The following CNTN5 variants were observed in gnomAD, a reference collection of about 807,000 sequenced individuals.
CNTN5 encodes the protein contactin-5.
CNTN5 carries 77 observed loss-of-function variants against 129.1 expected under a neutral mutation model. That is an observed-to-expected ratio of 0.60 (90% CI 0.50 to 0.72). The LOEUF is 0.72. Ranked by LOEUF, CNTN5 falls within the 30% of genes least tolerant of loss-of-function variation. The pLI is 0.00. For synonymous variants in CNTN5, 509 were observed against 465.6 expected, an observed-to-expected ratio of 1.09 and a Z score of -1.20; for missense variants, 1,478 against 1,328.8, an observed-to-expected ratio of 1.11 and a Z score of -1.75.
At chr11:99,048,842 A>G (rs2135166606) in intron 1 of CNTN5, among the ~76,000 whole-genome samples, 1 of 152,316 alleles carries the variant, frequency 6.6e-6, no homozygotes, top group Admixed American at 6.5e-5. Flanking sequence ...AATGGTTTCT[A>G]TTCTGCTGAA....
chr11:99,266,356 T>C (rs1327641839), intron 1 of CNTN5, among the ~76,000 whole-genome samples: 1 of 152,108 alleles, frequency 6.6e-6, no homozygotes, highest in Non-Finnish European at 1.5e-5. Context: ...CCCAGTGCTT[T>C]GGAAAGCATA....
chr11:99,337,020 C>T (rs1444484727), intron 2 of CNTN5, among the ~76,000 whole-genome samples: 1 of 151,998 alleles, frequency 6.6e-6, no homozygotes, highest in Non-Finnish European at 1.5e-5. Context: ...AGGACACATA[C>T]AGAGTATTTC....
intron 3 of CNTN5, among the ~76,000 whole-genome samples, chr11:99,720,863 A>C (rs1943148911): frequency 6.6e-6 from 1 of 152,150 alleles, no homozygotes. Flanking sequence ...CCAAAAGGCA[A>C]ACCAAAGGGC....
In CNTN5 at chr11:100,147,485, G is replaced by A. The variant is rs1171361514; in HGVS notation, c.1581-43641G>A. ...GAAAGAGTTTGTCTTGCCCCTATAA[G>A]TTAAACCTGAATCATTCGAACCTGC... On this transcript the variant is annotated intron_variant, in intron 13 of 24. Coordinates refer to ENST00000524871, the MANE Select transcript of CNTN5 (RefSeq NM_014361.4). Among the ~76,000 whole-genome samples, 4 of 152,042 alleles carry A rather than the reference G, an allele frequency of 2.6e-5. No individual in the cohort carries two copies. In the East Asian group the frequency reaches 7.7e-4, roughly 29 times the overall value.
intron 1 of CNTN5, among the ~76,000 whole-genome samples, chr11:99,136,692 G>A (rs1480915481): frequency 6.6e-6 from 1 of 152,032 alleles, no homozygotes; most frequent in Non-Finnish European, 1.5e-5. Flanking sequence ...TATCAAATAA[G>A]AGATAGGAAG....
At chr11:100,052,693 G>A (rs11222551) in intron 9 of CNTN5, among the ~76,000 whole-genome samples, 47,547 of 151,494 alleles carry the variant, frequency 0.31, 7,833 homozygotes, top group East Asian at 0.48. Flanking sequence ...CTACTTTTGT[G>A]AAATTTAGCA....
At chr11:99,099,579 C>G (rs1866627765) in intron 1 of CNTN5, among the ~76,000 whole-genome samples, 2 of 143,098 alleles carry the variant, frequency 1.4e-5, no homozygotes. Flanking sequence ...CACACACACA[C>G]AGCATAGGCA....
chr11:100,337,831 C>A (rs1952067014), intron 21 of CNTN5, among the ~76,000 whole-genome samples: 1 of 152,168 alleles, frequency 6.6e-6, no homozygotes, highest in South Asian at 2.1e-4. Flanking sequence ...GGGATACAAT[C>A]CCAGGTGGAA....
In CNTN5 at chr11:99,546,132, G is replaced by A. The variant is rs1025728507; in HGVS notation, c.-70-10013G>A. Among the ~76,000 whole-genome samples, 8 of 152,104 alleles carry A rather than the reference G, an allele frequency of 5.3e-5. No homozygotes were observed. The East Asian group carries it at 7.7e-4, about 15-fold the overall frequency. ...TAGGGAAATCCTATTACTTTGTCAC[G>A]TCTCTTTGTCTTCTCTGTAATGATG... is the stretch of plus-strand genomic sequence containing the variant. On this transcript the variant is annotated intron_variant, in intron 2 of 24. Transcript: ENST00000524871.
chr11:100,004,118 C>T (rs774878533), intron 9 of CNTN5: 1 of 152,192 alleles, frequency 6.6e-6, no homozygotes, highest in Non-Finnish European at 1.5e-5. Flanking sequence ...ACTTGAGCTG[C>T]TTCTTACTTC....
intron 3 of CNTN5, among the ~76,000 whole-genome samples, chr11:99,704,065 G>C (rs1591504674): frequency 1.3e-5 from 2 of 148,696 alleles, no homozygotes; most frequent in Admixed American, 1.4e-4. Context: ...ATATGTGTGT[G>C]TGTGTATGTG....
chr11:99,257,916 A>G (rs551121767), intron 1 of CNTN5, among the ~76,000 whole-genome samples: 70 of 152,196 alleles, frequency 4.6e-4, no homozygotes, highest in African/African-American at 1.7e-3. Context: ...TGAAAGAAGT[A>G]TCATTCCTAT....
rs146461620 is a variant in CNTN5 at position 99,294,689 on chromosome 11, C to T, written c.-209-30657C>T. On this transcript the variant is annotated intron_variant, in intron 1 of 24. Transcript: ENST00000524871. ...TATTTCTCCATTATCTGCAATGCTG[C>T]GATTTTGGTTACTCTGCCAATGAGA... is the stretch of plus-strand genomic sequence containing the variant. 9.9e-4 allele frequency among the ~76,000 whole-genome samples: 150 copies of T among 152,148 alleles called. 1 individual carries two copies. Among genetic ancestry groups the T allele is most frequent in the African/African-American group, 3.5e-3 (145 of 41,506 alleles).
intron 2 of CNTN5, among the ~76,000 whole-genome samples, chr11:99,483,952 T>C (rs909490152): frequency 6.6e-6 from 1 of 151,944 alleles, no homozygotes; most frequent in Non-Finnish European, 1.5e-5. Flanking sequence ...ACTGTAAAAC[T>C]AGTAGAAGAA....
intron 13 of CNTN5, among the ~76,000 whole-genome samples, chr11:100,127,349 A>G (rs1036122746): frequency 7.9e-5 from 12 of 152,110 alleles, no homozygotes; most frequent in African/African-American, 2.9e-4. Context: ...AGATGATGAT[A>G]ACAATCCTTT....
intron 3 of CNTN5, among the ~76,000 whole-genome samples, chr11:99,692,941 A>G (rs1055433228): frequency 6.6e-6 from 1 of 152,154 alleles, no homozygotes; most frequent in African/African-American, 2.4e-5. Context: ...CAGCCAATAA[A>G]TCCTGATTGT....
At chr11:99,941,569 CAA>C (rs200650140) in intron 7 of CNTN5, among the ~76,000 whole-genome samples, 12 of 150,774 alleles carry the variant, frequency 8.0e-5, no homozygotes, top group Non-Finnish European at 1.5e-4. Flanking sequence ...ATACATAAGA[CAA>C]ACACACACAC....
At chr11:99,685,088 CAA>C (rs1953731757) in intron 3 of CNTN5, among the ~76,000 whole-genome samples, 1 of 151,412 alleles carries the variant, frequency 6.6e-6, no homozygotes, top group African/African-American at 2.4e-5. Flanking sequence ...CTGCATCTAA[CAA>C]ATTTTTCTCA....
At chr11:99,631,162 T>C (rs940253117) in intron 3 of CNTN5, among the ~76,000 whole-genome samples, 1 of 152,160 alleles carries the variant, frequency 6.6e-6, no homozygotes, top group African/African-American at 2.4e-5. Flanking sequence ...TGTTAGTTTA[T>C]TCTTTATGTA....
Sources: gnomAD v4.1 joint callset for allele counts (sites outside exome capture counted in the v4.1 genomes callset) on GRCh38, gnomAD v4.1.1 for gene constraint, MANE v1.5 for transcripts, NCBI Gene and HGNC (gene_info 2026-07-23, HGNC 2026-07-21) for gene names.